The following SLA variants were observed in gnomAD, a reference collection of about 807,000 sequenced individuals.
SLA encodes the protein src-like-adapter.
In SLA, 16 loss-of-function variants were observed where a neutral mutation model predicts 30.3. The ratio of observed to expected loss-of-function variants is 0.53; its 90% confidence interval spans 0.36 to 0.80. The LOEUF (loss-of-function observed/expected upper bound fraction) is 0.80, where lower values mean the gene tolerates loss of function less well. Ranked by LOEUF, SLA falls within the 30% of genes least tolerant of loss-of-function variation. SLA has a pLI of 0.01. For synonymous variants in SLA, 143 were observed against 137.8 expected, an observed-to-expected ratio of 1.04 and a Z score of -0.26; for missense variants, 310 against 345.2, an observed-to-expected ratio of 0.90 and a Z score of 0.81.
chr8:133,075,535 G>T (rs1174746706), intron 1 of SLA, among the ~76,000 whole-genome samples: 2 of 152,236 alleles, frequency 1.3e-5, no homozygotes, highest in Non-Finnish European at 2.9e-5. Flanking sequence ...CCAGTCTTAA[G>T]TTTCTTGGAC....
intron 2 of SLA, among the ~76,000 whole-genome samples, chr8:133,066,880 G>C (rs995568138): frequency 6.6e-6 from 1 of 152,210 alleles, no homozygotes; most frequent in Non-Finnish European, 1.5e-5. Flanking sequence ...GGGGCTGGGG[G>C]GTTGGCTAAC....
At chr8:133,083,616 A>G (rs1252203208) in intron 1 of SLA, among the ~76,000 whole-genome samples, 4 of 152,206 alleles carry the variant, frequency 2.6e-5, no homozygotes, top group Admixed American at 6.5e-5. Flanking sequence ...AATGAAGCCA[A>G]TTATCAAGTT....
At position 133,096,147 on chromosome 8, in the gene SLA, A is replaced by G. The variant is rs544614150; in HGVS notation, c.-319+6406T>C. 189 of 1,596,558 alleles carry G rather than the reference A, an allele frequency of 1.2e-4. No homozygotes were observed. The African/African-American group carries it at 2.3e-3, about 19-fold the overall frequency. ...CATTCAGTATGGTTAAGACCTCTTT[A>G]TGCAAAGCAGTGCAACTGATTATTC... On this transcript the variant is annotated intron_variant, in intron 1 of 8. Coordinates refer to ENST00000338087, the MANE Select transcript of SLA (RefSeq NM_001045556.3).
At chr8:133,060,016 T>C (rs1288362734) in intron 3 of SLA, 84 bp downstream of exon 3, 16 of 1,405,588 alleles carry the variant, frequency 1.1e-5, no homozygotes, top group Non-Finnish European at 1.3e-5. Context: ...ATTTAAGTAG[T>C]TACCGGCATC....
chr8:133,050,209 C>G, intron 4 of SLA: 1 of 554,742 alleles, frequency 1.8e-6, no homozygotes, highest in Non-Finnish European at 3.2e-6. Context: ...CTGGTAAACC[C>G]TCCCATGTGC....
Position 133,075,056 on chromosome 8 carries a change from G to A in SLA, c.-244C>T. On this transcript the variant is annotated 5_prime_UTR_variant, in exon 2 of 9. Coordinates refer to ENST00000338087, the MANE Select transcript of SLA (RefSeq NM_001045556.3). ...CGCATACTTCCTCTGCTAGGAACGA[G>A]GAAGGCACAGGGCTTGCAGAAGGGC... The A allele has an allele frequency of 1.0e-6, 1 of 985,476 alleles. No individual in the cohort carries two copies. The highest frequency in any genetic ancestry group is 1.2e-6 in the Non-Finnish European group (1 of 829,944). The allele number at this position is 985,476 out of a possible 1,614,324, so 61.0% of individuals were successfully genotyped here. A position where few individuals can be genotyped will look rare whatever the true frequency, so the allele number is the denominator to read the frequency against.
At chr8:133,083,333 A>G (rs1846029527) in intron 1 of SLA, among the ~76,000 whole-genome samples, 1 of 152,186 alleles carries the variant, frequency 6.6e-6, no homozygotes, top group East Asian at 1.9e-4. Flanking sequence ...TGCTACCACT[A>G]TTTATTGTAA....
At chr8:133,094,242 CTTTTTTTT>C (rs765931953) in intron 1 of SLA, among the ~76,000 whole-genome samples, 1 of 126,574 alleles carries the variant, frequency 7.9e-6, no homozygotes, top group African/African-American at 2.9e-5. Context: ...CTGTCGTTTT[CTTTTTTTT>C]TTTTTTTTTT....
At chr8:133,042,487 C>G (rs1838447579) in intron 7 of SLA, among the ~76,000 whole-genome samples, 2 of 148,490 alleles carry the variant, frequency 1.3e-5, no homozygotes, top group African/African-American at 4.9e-5. Context: ...TCACATGCAT[C>G]TTTTTTTTTT....
At chr8:133,049,729 G>C in intron 5 of SLA, 173 bp downstream of exon 5, 1 of 611,698 alleles carries the variant, frequency 1.6e-6, no homozygotes, top group Non-Finnish European at 2.9e-6. Context: ...GAGCAGAAGA[G>C]ATAAGTTAGC....
intron 3 of SLA, among the ~76,000 whole-genome samples, chr8:133,055,093 C>T (rs189596444): frequency 1.5e-3 from 229 of 152,196 alleles, no homozygotes; most frequent in East Asian, 5.2e-3. Flanking sequence ...GGGTCCTTCA[C>T]GGAGCCACAC....
Position 133,047,935 on chromosome 8 carries a change from T to A in SLA, c.249-2A>T. The A allele has an allele frequency of 6.3e-7, 1 of 1,594,076 alleles. No homozygotes were observed. Among genetic ancestry groups the A allele is most frequent in the Non-Finnish European group, 8.6e-7 (1 of 1,163,810 alleles). ...CTGCCCAGGCCCTCAAACAGCCAGC[T>A]GGGAAGGAGGAAGACAGCCATTAGG... On this transcript the variant is annotated splice_acceptor_variant, in intron 5 of 8. Transcript: ENST00000338087. LOFTEE classifies it high-confidence loss of function.
intron 7 of SLA, among the ~76,000 whole-genome samples, chr8:133,044,108 A>T (rs1252475740): frequency 6.6e-6 from 1 of 152,174 alleles, no homozygotes; most frequent in African/African-American, 2.4e-5. Context: ...AGCCAACCTC[A>T]GGCTGCCTAG....
chr8:133,090,441 C>T (rs542886908), intron 1 of SLA, among the ~76,000 whole-genome samples: 69 of 152,320 alleles, frequency 4.5e-4, no homozygotes, highest in African/African-American at 1.6e-3. Flanking sequence ...CAAAAAAGCA[C>T]CTTGGCCCGT....
intron 4 of SLA, chr8:133,050,254 T>C (rs534016883): frequency 3.0e-5 from 15 of 499,852 alleles, no homozygotes; most frequent in Middle Eastern, 5.3e-4. Flanking sequence ...TAGCAGCTAA[T>C]GTTCCCAACT....
rs551808253 is a variant in SLA, at chr8:133,065,480, G to T, written c.-40-5280C>A. On this transcript the variant is annotated intron_variant, in intron 2 of 8. Transcript: ENST00000338087. ...GAAAAGTGATTTTTAAAAGTTATCA[G>T]GCCGGGCGCGGTGGCTCACACCTGT... is the stretch of plus-strand genomic sequence containing the variant. 6.6e-5 allele frequency among the ~76,000 whole-genome samples: 10 copies of T among 152,318 alleles called. No homozygotes were observed. In the South Asian group the frequency reaches 1.7e-3, roughly 25 times the overall value.
At chr8:133,094,407 G>GT (rs1384771941) in intron 1 of SLA, among the ~76,000 whole-genome samples, 1 of 151,620 alleles carries the variant, frequency 6.6e-6, no homozygotes, top group African/African-American at 2.4e-5. Context: ...CGCCTGGCTA[G>GT]TTTTTTGTAT....
chr8:133,078,310 G>A (rs958430652), intron 1 of SLA, among the ~76,000 whole-genome samples: 3 of 152,180 alleles, frequency 2.0e-5, no homozygotes, highest in Non-Finnish European at 4.4e-5. Context: ...TGGGGTGGGA[G>A]CATGTGAGCC....
Position 133,038,558 on chromosome 8 carries a change from G to C in SLA, c.797C>G (p.Ser266Ter), listed in dbSNP as rs1170146379. The stretch of plus-strand genomic sequence containing the variant: ...AAAGTAAGGTGGTGATGAGAAGAAT[G>C]AGCTCTTTCTCTTGCTGCCACCATA... Reference protein sequence around the residue: ...LMYGGSKRKSSFFSSPPYFED With the variant: ...LMYGGSKRKS Residue 266 changes from serine to a stop codon, truncating the protein, a stop_gained, in exon 9 of 9, where the codon TCA becomes TGA. Coordinates refer to ENST00000338087, the MANE Select transcript of SLA (RefSeq NM_001045556.3). LOFTEE classifies it high-confidence loss of function. The C allele has an allele frequency of 6.2e-7, 1 of 1,613,798 alleles. No individual in the cohort carries two copies. The highest frequency in any genetic ancestry group is 8.5e-7 in the Non-Finnish European group (1 of 1,179,790).
Sources: allele counts gnomAD v4.1 joint callset (sites outside exome capture counted in the v4.1 genomes callset), GRCh38; gene constraint gnomAD v4.1.1; transcripts MANE v1.5; gene names NCBI Gene and HGNC (gene_info 2026-07-23, HGNC 2026-07-21).